The following PCNX1 variants were observed in gnomAD, a reference collection of about 807,000 sequenced individuals.
The protein encoded by PCNX1 is pecanex-like protein 1.
PCNX1 carries 78 observed loss-of-function variants against 242.2 expected under a neutral mutation model. That is an observed-to-expected ratio of 0.32 (90% CI 0.27 to 0.39). The LOEUF (loss-of-function observed/expected upper bound fraction) is 0.39, where lower values mean the gene tolerates loss of function less well. Ranked by LOEUF, PCNX1 falls within the 10% of genes least tolerant of loss-of-function variation. The pLI is 1.00. For missense variants in PCNX1, 2,581 were observed against 2,856.5 expected (o/e 0.90, Z 2.20); for synonymous variants, 1,024 against 1,032.9 (o/e 0.99, Z 0.17).
intron 19 of PCNX1, among the ~76,000 whole-genome samples, chr14:71,043,942 T>C (rs2060785268): frequency 6.6e-6 from 1 of 152,338 alleles, no homozygotes; most frequent in East Asian, 1.9e-4. Flanking sequence ...ACATCTGATA[T>C]AACAGTTTTT....
chr14:70,909,323 G>A (rs1012069321), intron 1 of PCNX1, among the ~76,000 whole-genome samples: 1 of 151,812 alleles, frequency 6.6e-6, no homozygotes, highest in South Asian at 2.1e-4. Context: ...TTATTAGGGG[G>A]ACTTGTTCAG....
intron 30 of PCNX1, among the ~76,000 whole-genome samples, chr14:71,101,672 G>GA (rs202194844): frequency 7.4e-4 from 109 of 147,532 alleles, no homozygotes; most frequent in African/African-American, 2.4e-3. Context: ...TCCTTCAACA[G>GA]AAAAAAAAAC....
At chr14:71,048,060 T>C in intron 22 of PCNX1, 76 bp downstream of exon 22, 1 of 1,019,400 alleles carries the variant, frequency 9.8e-7, no homozygotes, top group Admixed American at 2.4e-5. Flanking sequence ...AGAATTTTTC[T>C]TATATTTCAT....
At chr14:71,076,082 T>C (rs2061711165) in intron 27 of PCNX1, 107 bp from the exon 28 acceptor site, 1 of 683,350 alleles carries the variant, frequency 1.5e-6, no homozygotes, top group African/African-American at 1.8e-5. Flanking sequence ...AAAAGTGTTT[T>C]ACTATTTATC....
intron 1 of PCNX1, among the ~76,000 whole-genome samples, chr14:70,924,231 C>CAAAAAAAAAAAAAAAA (rs60333920): frequency 4.1e-5 from 4 of 98,000 alleles, no homozygotes; most frequent in Admixed American, 1.1e-4. Context: ...GAGACTGTCT[C>CAAAAAAAAAAAAAAAA]AAAAAAAAAA....
intron 6 of PCNX1, among the ~76,000 whole-genome samples, chr14:70,986,146 G>A (rs1462826532): frequency 6.6e-6 from 1 of 152,124 alleles, no homozygotes; most frequent in Non-Finnish European, 1.5e-5. Context: ...ACATTCCCAG[G>A]GGCATGGCTT....
chr14:71,082,885 CATT>C (rs1407646342), intron 28 of PCNX1, among the ~76,000 whole-genome samples: 1 of 152,168 alleles, frequency 6.6e-6, no homozygotes, highest in Non-Finnish European at 1.5e-5. Flanking sequence ...TTGATCCTAT[CATT>C]ATGATGTTAG....
At chr14:71,043,637 T>C (rs1035452404) in intron 19 of PCNX1, among the ~76,000 whole-genome samples, 2 of 152,152 alleles carry the variant, frequency 1.3e-5, no homozygotes, top group Non-Finnish European at 2.9e-5. Context: ...TTTTTTATTT[T>C]ATTTGTTGAA....
chr14:70,967,174 AC>A (rs2139986917), intron 3 of PCNX1, among the ~76,000 whole-genome samples: 1 of 152,336 alleles, frequency 6.6e-6, no homozygotes, highest in Non-Finnish European at 1.5e-5. Context: ...ATCTGTGTGC[AC>A]CCATTCAGTT....
At chr14:70,981,120 C>G (rs2058827146) in intron 6 of PCNX1, among the ~76,000 whole-genome samples, 2 of 152,132 alleles carry the variant, frequency 1.3e-5, no homozygotes, top group African/African-American at 4.8e-5. Context: ...CAAACCTCAG[C>G]TTCCTCATCT....
intron 1 of PCNX1, among the ~76,000 whole-genome samples, chr14:70,926,526 A>G (rs1459140217): frequency 6.6e-6 from 1 of 152,132 alleles, no homozygotes; most frequent in Non-Finnish European, 1.5e-5. Context: ...CTTTTGGGAG[A>G]TTTTAACCTA....
chr14:71,071,030 C>A (rs2061573991), intron 26 of PCNX1, among the ~76,000 whole-genome samples: 1 of 152,208 alleles, frequency 6.6e-6, no homozygotes, highest in Non-Finnish European at 1.5e-5. Flanking sequence ...TGCAGCTTCA[C>A]CTTGCAGTTT....
intron 2 of PCNX1, among the ~76,000 whole-genome samples, chr14:70,956,604 G>A (rs900301851): frequency 4.6e-5 from 7 of 152,028 alleles, no homozygotes; most frequent in Admixed American, 3.9e-4. Context: ...GCAAGAATGT[G>A]GGCTTTAGGG....
rs537777939 is a variant in PCNX1 at position 71,111,197 on chromosome 14, T to C, written c.*1262T>C. The C allele has an allele frequency of 3.4e-3, 526 of 152,760 alleles. No homozygotes were observed. Among genetic ancestry groups the C allele is most frequent in the African/African-American group, 0.012 (511 of 41,576 alleles). The allele number at this position is 152,760 out of a possible 1,614,324, so 9.5% of individuals were successfully genotyped here. The stretch of plus-strand genomic sequence containing the variant: ...GTCTCATAACTTTATTTTTTTTAAA[T>C]GCATATTCAGGGAAATATATTACTC... On this transcript the variant is annotated 3_prime_UTR_variant, in exon 36 of 36. Coordinates refer to ENST00000304743, the MANE Select transcript of PCNX1 (RefSeq NM_014982.3).
At chr14:71,085,069 C>T (rs1438850762) in intron 28 of PCNX1, among the ~76,000 whole-genome samples, 1 of 152,200 alleles carries the variant, frequency 6.6e-6, no homozygotes, top group Non-Finnish European at 1.5e-5. Flanking sequence ...CGGCACGGTC[C>T]ATCACAGCTT....
At chr14:71,078,832 TGTA>T (rs1440541401) in intron 28 of PCNX1, 2 of 152,178 alleles carry the variant, frequency 1.3e-5, no homozygotes, top group African/African-American at 4.8e-5. Flanking sequence ...TGTGCCTTAG[TGTA>T]GTTTTCTCAT....
chr14:71,088,485 AAT>A (rs1041709407), intron 29 of PCNX1, 55 bp downstream of exon 29: 16 of 1,023,302 alleles, frequency 1.6e-5, no homozygotes, highest in Non-Finnish European at 2.3e-5. Flanking sequence ...GTATAGCCTA[AAT>A]CTAAAATGAT....
chr14:71,044,855 C>T (rs1194169890), intron 19 of PCNX1, among the ~76,000 whole-genome samples: 1 of 152,184 alleles, frequency 6.6e-6, no homozygotes, highest in Non-Finnish European at 1.5e-5. Context: ...AGGCAATACA[C>T]CTTAGGCCAC....
intron 6 of PCNX1, 91 bp from the exon 7 acceptor site, chr14:70,988,476 T>C: frequency 1.5e-6 from 2 of 1,335,294 alleles, no homozygotes; most frequent in Non-Finnish European, 2.1e-6. Flanking sequence ...ACTTTACCCA[T>C]GAGGGTGGGA....
Sources: allele counts gnomAD v4.1 joint callset (sites outside exome capture counted in the v4.1 genomes callset), GRCh38; gene constraint gnomAD v4.1.1; transcripts MANE v1.5; gene names NCBI Gene and HGNC (gene_info 2026-07-23, HGNC 2026-07-21).